The following ULK2 variants were observed in gnomAD, a reference collection of about 807,000 sequenced individuals.
The protein encoded by ULK2 is serine/threonine-protein kinase ULK2.
ULK2 carries 76 observed loss-of-function variants against 127.5 expected under a neutral mutation model. The ratio of observed to expected loss-of-function variants is 0.60; its 90% confidence interval spans 0.50 to 0.72. ULK2 has a LOEUF of 0.72. Among genes scored for constraint, ULK2 ranks in the 30% least tolerant of loss-of-function variants. ULK2 has a pLI of 0.00. For synonymous variants in ULK2, 452 were observed against 461.9 expected, an observed-to-expected ratio of 0.98 and a Z score of 0.28; for missense variants, 1,144 against 1,295.9, an observed-to-expected ratio of 0.88 and a Z score of 1.80.
At chr17:19,798,934 G>A (rs761230155) in intron 17 of ULK2, among the ~76,000 whole-genome samples, 24 of 151,834 alleles carry the variant, frequency 1.6e-4, no homozygotes, top group Non-Finnish European at 2.9e-4. Flanking sequence ...AGGCCGAGGC[G>A]GGTGTATCAC....
At chr17:19,820,975 G>A in intron 12 of ULK2, among the ~76,000 whole-genome samples, 2 of 152,210 alleles carry the variant, frequency 1.3e-5, no homozygotes, top group South Asian at 4.1e-4. Context: ...GTATAAACCA[G>A]AACATCACAC....
chr17:19,801,916 T>G lies in ULK2; in HGVS notation c.1302A>C (p.Ala434=), dbSNP rs755273523. ...GTNVHGSPRS[A]VVRRSNTSPM... ...GGCTGGTGTTGGACCTTCGTACCAC[T>G]GCAGATCTGAAAAGTAAATTATTCC... The change falls in exon 16 of 27, where the codon GCA becomes GCC. Residue 434 remains alanine, a synonymous_variant. Transcript: ENST00000395544. 1.9e-6 allele frequency: 3 copies of G among 1,596,150 alleles called. No individual in the cohort carries two copies. The highest frequency in any genetic ancestry group is 4.5e-5 in the East Asian group (2 of 44,786).
chr17:19,802,450 T>C (rs2087421092), intron 15 of ULK2, among the ~76,000 whole-genome samples: 1 of 152,108 alleles, frequency 6.6e-6, no homozygotes, highest in Non-Finnish European at 1.5e-5. Context: ...TTATGAAAAA[T>C]AAGCATATTT....
intron 25 of ULK2, among the ~76,000 whole-genome samples, chr17:19,779,336 A>C (rs1381231472): frequency 6.6e-6 from 1 of 151,860 alleles, no homozygotes; most frequent in Non-Finnish European, 1.5e-5. Context: ...TTCAAGACCA[A>C]GCCTGGCCAA....
Position 19,777,609 on chromosome 17 carries a change from G to C in ULK2, c.3024C>G (p.Asp1008Glu), listed in dbSNP as rs1179068772. The C allele has an allele frequency of 2.5e-6, 4 of 1,612,928 alleles. No homozygotes were observed. Among genetic ancestry groups the C allele is most frequent in the Non-Finnish European group, 3.4e-6 (4 of 1,179,730 alleles). ...LLEGLSRILQ[D>E]PADIENVHKY... ...TATGCACATTTTCAATATCTGCAGG[G>C]TCCTGTAGAATCCTACTTAGGCCTT... is the stretch of plus-strand genomic sequence containing the variant. The change falls in exon 26 of 27, where the codon GAC becomes GAG. Residue 1008 changes from aspartate (D) to glutamate (E), a missense_variant. Asp to Glu is a conservative substitution (Grantham distance 45, BLOSUM62 2). This residue lies in a region of ULK2 where 913 missense variants were observed against 970.5 expected (regional missense o/e 0.94). Coordinates refer to ENST00000395544, the MANE Select transcript of ULK2 (RefSeq NM_014683.4).
At chr17:19,807,458 C>T (rs944893271) in intron 14 of ULK2, among the ~76,000 whole-genome samples, 2 of 152,162 alleles carry the variant, frequency 1.3e-5, no homozygotes, top group African/African-American at 2.4e-5. Flanking sequence ...AACTCCCATG[C>T]CTATGCCTAT....
At position 19,770,877 on chromosome 17, in the gene ULK2, T is replaced by C. The variant is rs1338326148; in HGVS notation, c.*5472A>G. On this transcript the variant is annotated 3_prime_UTR_variant, in exon 27 of 27. Coordinates refer to ENST00000395544, the MANE Select transcript of ULK2 (RefSeq NM_014683.4). The stretch of plus-strand genomic sequence containing the variant: ...TTATTAACATGTCTCCCAAGTCTTT[T>C]TTACTGGGAGTTTCAGGGTGGTCTC... The C allele has an allele frequency of 1.3e-5, 2 of 152,188 alleles. No individual in the cohort carries two copies. The highest frequency in any genetic ancestry group is 6.5e-5 in the Admixed American group (1 of 15,278). 9.4% of individuals were successfully genotyped at this position (152,188 alleles called of 1,614,324 possible). A position where few individuals can be genotyped will look rare whatever the true frequency, so the allele number is the denominator to read the frequency against.
At chr17:19,799,804 G>C (rs764014381) in intron 16 of ULK2, among the ~76,000 whole-genome samples, 1 of 152,098 alleles carries the variant, frequency 6.6e-6, no homozygotes, top group Non-Finnish European at 1.5e-5. Context: ...AGAACATTAG[G>C]GGAAGAAAAA....
intron 21 of ULK2, among the ~76,000 whole-genome samples, chr17:19,785,126 T>C (rs963942840): frequency 1.3e-5 from 2 of 152,168 alleles, no homozygotes; most frequent in East Asian, 3.8e-4. Context: ...TTATAAATGA[T>C]AAATCTATTA....
chr17:19,799,386 G>A (rs765181192), intron 17 of ULK2, 109 bp downstream of exon 17: 7 of 923,606 alleles, frequency 7.6e-6, no homozygotes, highest in African/African-American at 1.7e-5. Context: ...CAGGATGGCA[G>A]AGGAGATATT....
chr17:19,790,924 T>C (rs527783315), intron 20 of ULK2, among the ~76,000 whole-genome samples: 2 of 152,236 alleles, frequency 1.3e-5, no homozygotes, highest in African/African-American at 4.8e-5. Context: ...GGTCATTATA[T>C]AATGACGAAG....
chr17:19,783,604 CCTAA>C (rs562145778), intron 22 of ULK2, 89 bp downstream of exon 22: 382 of 1,238,132 alleles, frequency 3.1e-4, no homozygotes, highest in Admixed American at 4.8e-4. Flanking sequence ...AACATAACTT[CCTAA>C]CTATTTAATG....
In ULK2 at chr17:19,783,790, G is replaced by T; in HGVS notation, c.2367C>A (p.Ser789Arg). The change falls in exon 22 of 27, where the codon AGC becomes AGA. Residue 789 changes from serine (S) to arginine (R), a missense_variant. This residue lies in a region of ULK2 where 913 missense variants were observed against 970.5 expected (regional missense o/e 0.94). Transcript: ENST00000395544. The part of the protein sequence containing the change: ...SSPPGAEAAP[S>R]LRYVPYGASP... Reference sequence around the variant, plus strand: ...AAGCACCGTAAGGCACGTATCTCAGGCTGGGAGCTGCCTCTGCTCCTGGAG... The same window carrying T: ...AAGCACCGTAAGGCACGTATCTCAGTCTGGGAGCTGCCTCTGCTCCTGGAG... 2.5e-6 allele frequency: 4 copies of T among 1,603,760 alleles called. No homozygotes were observed. Among genetic ancestry groups the T allele is most frequent in the Non-Finnish European group, 3.4e-6 (4 of 1,174,866 alleles).
At chr17:19,800,441 T>C (rs1208178685) in intron 16 of ULK2, among the ~76,000 whole-genome samples, 1 of 152,146 alleles carries the variant, frequency 6.6e-6, no homozygotes, top group Non-Finnish European at 1.5e-5. Context: ...TTTATCCTTG[T>C]GTGCAAGGAT....
intron 13 of ULK2, among the ~76,000 whole-genome samples, chr17:19,811,612 T>C (rs898684142): frequency 3.9e-5 from 6 of 152,012 alleles, no homozygotes; most frequent in Middle Eastern, 3.2e-3. Flanking sequence ...CAGCTAATTT[T>C]TGTATTTTTA....
Position 19,786,019 on chromosome 17 carries a change from G to C in ULK2, c.2169C>G (p.Val723=), listed in dbSNP as rs747019364. ...PAGTAASSKA[V]LFTVGSPPHS... The stretch of plus-strand genomic sequence containing the variant: ...GTGGAGGAGACCCTACAGTGAAGAG[G>C]ACAGCCTTGGAACTTGCTGCTGTAC... Residue 723 remains valine, a synonymous_variant, in exon 21 of 27, where the codon GTC becomes GTG. Coordinates refer to ENST00000395544, the MANE Select transcript of ULK2 (RefSeq NM_014683.4). 3.8e-6 allele frequency: 6 copies of C among 1,579,694 alleles called. No individual in the cohort carries two copies. The highest frequency in any genetic ancestry group is 2.0e-5 in the Admixed American group (1 of 51,190).
intron 3 of ULK2, among the ~76,000 whole-genome samples, chr17:19,851,994 C>T (rs1230610300): frequency 2.9e-5 from 4 of 139,014 alleles, no homozygotes; most frequent in Non-Finnish European, 6.1e-5. Context: ...TGCAGTGAGC[C>T]GAGATTGCGC....
chr17:19,777,725 A>G lies in ULK2; in HGVS notation c.2917-9T>C, dbSNP rs552495456. 9 of 1,590,820 alleles carry G rather than the reference A, an allele frequency of 5.7e-6. No individual in the cohort carries two copies. In the African/African-American group the frequency reaches 9.5e-5, roughly 17 times the overall value. ...AGGGCTGCAGACTGAACCTGGAACC[A>G]GTCAACAAAAACACAATTCTCTCAA... On this transcript the variant is annotated splice_polypyrimidine_tract_variant and intron_variant, in intron 25 of 26. Coordinates refer to ENST00000395544, the MANE Select transcript of ULK2 (RefSeq NM_014683.4).
Position 19,776,298 on chromosome 17 carries a change from A to G in ULK2, c.*51T>C. 6.6e-7 allele frequency: 1 copy of G among 1,516,880 alleles called. No individual in the cohort carries two copies. Among genetic ancestry groups the G allele is most frequent in the Non-Finnish European group, 8.9e-7 (1 of 1,129,918 alleles). The allele number at this position is 1,516,880 out of a possible 1,614,324, so 94.0% of individuals were successfully genotyped here. A position where few individuals can be genotyped will look rare whatever the true frequency, so the allele number is the denominator to read the frequency against. On this transcript the variant is annotated 3_prime_UTR_variant, in exon 27 of 27. Coordinates refer to ENST00000395544, the MANE Select transcript of ULK2 (RefSeq NM_014683.4). ...GTGACAGAACTCAAGCTGTAATCCC[A>G]AAGGCATCACCTCACGTTCCCACCA...
Sources: gnomAD v4.1 joint callset for allele counts (sites outside exome capture counted in the v4.1 genomes callset) on GRCh38, gnomAD v4.1.1 for gene constraint, gnomAD v4.1.1 regional missense constraint, MANE v1.5 for transcripts, NCBI Gene and HGNC (gene_info 2026-07-23, HGNC 2026-07-21) for gene names.